Variants in PPP3CA observed in about 807,000 individuals in gnomAD.
PPP3CA encodes protein phosphatase 3 catalytic subunit alpha.
PPP3CA carries 14 observed loss-of-function variants against 66.5 expected under a neutral mutation model. The observed-to-expected ratio is 0.21, with a 90% CI of 0.14 to 0.33. PPP3CA has a LOEUF of 0.33. PPP3CA is among the 10% of genes least tolerant of loss of function. PPP3CA has a pLI of 1.00. For missense variants in PPP3CA, 317 were observed against 639.5 expected (o/e 0.50, Z 5.44); for synonymous variants, 232 against 226.2 (o/e 1.03, Z -0.23).
At chr4:101,281,696 A>G (rs879572715) in intron 1 of PPP3CA, among the ~76,000 whole-genome samples, 3 of 152,232 alleles carry the variant, frequency 2.0e-5, no homozygotes, top group Non-Finnish European at 4.4e-5. Flanking sequence ...ATCCAACTCA[A>G]CTAAGTCAAT....
intron 10 of PPP3CA, among the ~76,000 whole-genome samples, chr4:101,054,529 T>TCA (rs1223381586): frequency 6.6e-6 from 1 of 151,946 alleles, no homozygotes; most frequent in Non-Finnish European, 1.5e-5. Flanking sequence ...AAATACAGTT[T>TCA]TGGTAGAAAA....
chr4:101,346,648 G>A, intron 1 of PPP3CA, 91 bp downstream of exon 1: 3 of 1,119,342 alleles, frequency 2.7e-6, no homozygotes, highest in Admixed American at 2.0e-5. Context: ...GAGAACCTGG[G>A]GCGGGGGAGG....
rs115267938 is a variant in PPP3CA at position 101,315,070 on chromosome 4, G to A, written c.58+31669C>T. ...TTGAAACTTAATACTCAATCTGATC[G>A]TATTAAGAGATGGGGCCTTTGGGAC... On this transcript the variant is annotated intron_variant, in intron 1 of 13. Transcript: ENST00000394854. Among the ~76,000 whole-genome samples, 204 of 152,174 alleles carry A rather than the reference G, an allele frequency of 1.3e-3. 1 individual carries two copies. The highest frequency in any genetic ancestry group is 4.2e-3 in the African/African-American group (175 of 41,514).
intron 10 of PPP3CA, among the ~76,000 whole-genome samples, chr4:101,054,823 G>A (rs182614286): frequency 1.7e-4 from 26 of 152,190 alleles, no homozygotes; most frequent in Middle Eastern, 3.4e-3. Flanking sequence ...TTAACATTAG[G>A]ATAAGGCAAA....
rs372955248 is a variant in PPP3CA, at chr4:101,025,774, A to T, written c.*91T>A. 9.1e-7 allele frequency: 1 copy of T among 1,099,188 alleles called. No individual in the cohort carries two copies. Among genetic ancestry groups the T allele is most frequent in the East Asian group, 2.5e-5 (1 of 40,618 alleles). The allele number at this position is 1,099,188 out of a possible 1,614,324, so 68.1% of individuals were successfully genotyped here. A position where few individuals can be genotyped will look rare whatever the true frequency, so the allele number is the denominator to read the frequency against. Reference sequence around the variant, plus strand: ...AAATAAGCTACTGTCAGAGGCAAGAACATCCAACTGCTGATATGCAGCAAT... The same window carrying T: ...AAATAAGCTACTGTCAGAGGCAAGATCATCCAACTGCTGATATGCAGCAAT... On this transcript the variant is annotated 3_prime_UTR_variant, in exon 14 of 14. Coordinates refer to ENST00000394854, the MANE Select transcript of PPP3CA (RefSeq NM_000944.5).
chr4:101,285,492 C>T (rs899329254), intron 1 of PPP3CA, among the ~76,000 whole-genome samples: 1 of 152,044 alleles, frequency 6.6e-6, no homozygotes, highest in African/African-American at 2.4e-5. Flanking sequence ...CTTCTTATAT[C>T]ACATTGCACA....
chr4:101,178,187 G>A (rs1231124792), intron 2 of PPP3CA, among the ~76,000 whole-genome samples: 1 of 152,092 alleles, frequency 6.6e-6, no homozygotes. Context: ...TTATTCTAAA[G>A]CCAATGATCT....
At chr4:101,131,880 G>T (rs919792595) in intron 2 of PPP3CA, among the ~76,000 whole-genome samples, 1 of 152,124 alleles carries the variant, frequency 6.6e-6, no homozygotes, top group Non-Finnish European at 1.5e-5. Flanking sequence ...AAATGTAAAA[G>T]AATGGAAATC....
chr4:101,188,902 TTA>T (rs1331666329), intron 2 of PPP3CA, among the ~76,000 whole-genome samples: 1 of 152,108 alleles, frequency 6.6e-6, no homozygotes, highest in Non-Finnish European at 1.5e-5. Context: ...AGCATTTAGT[TTA>T]TATTTTTAAT....
intron 11 of PPP3CA, among the ~76,000 whole-genome samples, chr4:101,037,125 T>C (rs527589708): frequency 6.6e-6 from 1 of 152,288 alleles, no homozygotes; most frequent in East Asian, 1.9e-4. Flanking sequence ...CATGAAAGGC[T>C]TGCCACTGAT....
chr4:101,226,867 A>G (rs975403860), intron 1 of PPP3CA, among the ~76,000 whole-genome samples: 2 of 151,736 alleles, frequency 1.3e-5, no homozygotes, highest in Non-Finnish European at 2.9e-5. Flanking sequence ...ATCATGAAAC[A>G]CTATCACTTC....
At chr4:101,141,357 G>A (rs1484410044) in intron 2 of PPP3CA, among the ~76,000 whole-genome samples, 4 of 152,066 alleles carry the variant, frequency 2.6e-5, no homozygotes, top group African/African-American at 9.7e-5. Flanking sequence ...GCAAAAGAGA[G>A]AGACACTATC....
At chr4:101,139,523 T>C (rs1722731072) in intron 2 of PPP3CA, among the ~76,000 whole-genome samples, 1 of 152,218 alleles carries the variant, frequency 6.6e-6, no homozygotes. Context: ...GCCTTGCATC[T>C]GTACATTGTG....
intron 6 of PPP3CA, among the ~76,000 whole-genome samples, chr4:101,088,770 A>C (rs775054906): frequency 1.3e-5 from 2 of 152,074 alleles, no homozygotes; most frequent in Non-Finnish European, 2.9e-5. Flanking sequence ...GGAAGCAGAG[A>C]GCTCAGGTGT....
chr4:101,296,557 A>G (rs112009718), intron 1 of PPP3CA, among the ~76,000 whole-genome samples: 3,204 of 152,236 alleles, frequency 0.021, 93 homozygotes, highest in African/African-American at 0.059. Context: ...AAATAATCAG[A>G]TAAGTAATTA....
At chr4:101,263,519 T>C (rs930752724) in intron 1 of PPP3CA, among the ~76,000 whole-genome samples, 1 of 152,114 alleles carries the variant, frequency 6.6e-6, no homozygotes, top group Non-Finnish European at 1.5e-5. Flanking sequence ...TGTTCCTTAC[T>C]GTCAATTAAG....
intron 9 of PPP3CA, among the ~76,000 whole-genome samples, chr4:101,062,118 A>G (rs1728488997): frequency 6.6e-6 from 1 of 152,062 alleles, no homozygotes; most frequent in Non-Finnish European, 1.5e-5. Flanking sequence ...ATTAATAGAA[A>G]CAACCCAAAT....
At chr4:101,225,049 C>A (rs1413498861) in intron 1 of PPP3CA, among the ~76,000 whole-genome samples, 1 of 151,728 alleles carries the variant, frequency 6.6e-6, no homozygotes, top group Non-Finnish European at 1.5e-5. Flanking sequence ...GAACACTTAA[C>A]CCCATGGAAG....
intron 7 of PPP3CA, among the ~76,000 whole-genome samples, chr4:101,081,882 C>T (rs995290798): frequency 6.6e-6 from 1 of 152,182 alleles, no homozygotes; most frequent in Non-Finnish European, 1.5e-5. Flanking sequence ...CACTCTTAAT[C>T]CTAGTACCTT....
Sources: allele counts gnomAD v4.1 joint callset (sites outside exome capture counted in the v4.1 genomes callset), GRCh38; gene constraint gnomAD v4.1.1; transcripts MANE v1.5; gene names NCBI Gene and HGNC (gene_info 2026-07-23, HGNC 2026-07-21).